JAKMIP3: variants seen among roughly 807,000 people sequenced by gnomAD.
JAKMIP3 encodes janus kinase and microtubule-interacting protein 3.
In JAKMIP3, 58 loss-of-function variants were observed where a neutral mutation model predicts 118.5. That is an observed-to-expected ratio of 0.49 (90% CI 0.40 to 0.61). The LOEUF (loss-of-function observed/expected upper bound fraction) is 0.61, where lower values mean the gene tolerates loss of function less well. Among genes scored for constraint, JAKMIP3 ranks in the 20% least tolerant of loss-of-function variants. The pLI, the probability that JAKMIP3 is intolerant of heterozygous loss-of-function variation, is 0.00. For missense variants in JAKMIP3, 950 were observed against 1,109.0 expected, an observed-to-expected ratio of 0.86 and a Z score of 2.04; for synonymous variants, 486 against 451.2, an observed-to-expected ratio of 1.08 and a Z score of -0.98.
intron 1 of JAKMIP3, among the ~76,000 whole-genome samples, chr10:132,095,040 T>G (rs2043662147): frequency 6.6e-6 from 1 of 152,108 alleles, no homozygotes; most frequent in African/African-American, 2.4e-5. Context: ...CTCACCCAGC[T>G]CCCACACAAA....
intron 1 of JAKMIP3, among the ~76,000 whole-genome samples, chr10:132,072,312 C>T (rs777083303): frequency 7.9e-5 from 12 of 151,936 alleles, no homozygotes; most frequent in South Asian, 6.2e-4. Flanking sequence ...TGGGAGGCTG[C>T]GGTGGGAGGA....
chr10:132,076,176 C>T (rs558256925), intron 1 of JAKMIP3, among the ~76,000 whole-genome samples: 1 of 152,178 alleles, frequency 6.6e-6, no homozygotes, highest in Admixed American at 6.5e-5. Context: ...CTCCCTGCCC[C>T]CAGTCCCTGA....
chr10:132,137,576 G>T (rs1166709240), intron 8 of JAKMIP3, among the ~76,000 whole-genome samples: 1 of 152,202 alleles, frequency 6.6e-6, no homozygotes, highest in African/African-American at 2.4e-5. Context: ...TCAGACGGCT[G>T]CCCTTCTCCG....
At chr10:132,042,860 T>G (rs1166617526) in intron 1 of JAKMIP3, among the ~76,000 whole-genome samples, 1 of 151,086 alleles carries the variant, frequency 6.6e-6, no homozygotes, top group African/African-American at 2.4e-5. Flanking sequence ...GAGCCCAGGG[T>G]GGGTGGATTG....
At chr10:132,129,639 C>T (rs759797759) in intron 3 of JAKMIP3, among the ~76,000 whole-genome samples, 36 of 152,104 alleles carry the variant, frequency 2.4e-4, no homozygotes, top group Admixed American at 1.6e-3. Context: ...GGCGGGGCCC[C>T]GTGATGAGAG....
intron 1 of JAKMIP3, among the ~76,000 whole-genome samples, chr10:132,056,440 A>C (rs2038237414): frequency 6.6e-6 from 1 of 152,160 alleles, no homozygotes; most frequent in Non-Finnish European, 1.5e-5. Context: ...TCAGGGTCCC[A>C]TCTTTTCCTA....
intron 1 of JAKMIP3, among the ~76,000 whole-genome samples, chr10:132,089,300 G>C (rs977801137): frequency 1.3e-5 from 2 of 152,180 alleles, no homozygotes; most frequent in South Asian, 4.1e-4. Context: ...ACCTTGGGCA[G>C]TATGGCCATT....
intron 1 of JAKMIP3, among the ~76,000 whole-genome samples, chr10:132,050,123 T>C (rs1389419265): frequency 6.6e-6 from 1 of 152,220 alleles, no homozygotes; most frequent in African/African-American, 2.4e-5. Flanking sequence ...CCTTCTTTTC[T>C]CCCCGGAAGT....
At chr10:132,078,619 CGG>C (rs10568086) in intron 1 of JAKMIP3, among the ~76,000 whole-genome samples, 58,657 of 134,072 alleles carry the variant, frequency 0.44, 12,605 homozygotes, top group East Asian at 0.7. Context: ...TCTCTGGGGG[CGG>C]GGGGGGGGGG....
intron 1 of JAKMIP3, among the ~76,000 whole-genome samples, chr10:132,100,821 G>C (rs2044761358): frequency 1.6e-5 from 2 of 126,418 alleles, no homozygotes; most frequent in Non-Finnish European, 3.5e-5. Flanking sequence ...CATTCTCTCT[G>C]CATGAGGAAC....
chr10:132,181,754 G>A (rs2061506568), intron 23 of JAKMIP3, among the ~76,000 whole-genome samples: 1 of 152,068 alleles, frequency 6.6e-6, no homozygotes, highest in Non-Finnish European at 1.5e-5. Flanking sequence ...ACCTCTCCTA[G>A]ATTAGAAAAC....
intron 1 of JAKMIP3, among the ~76,000 whole-genome samples, chr10:132,042,226 C>CTTCCTTCCTTCCTTCCT (rs1564848173): frequency 2.7e-5 from 4 of 146,800 alleles, no homozygotes; most frequent in Admixed American, 6.8e-5. Flanking sequence ...TTCTTTCCTC[C>CTTCCTTCCTTCCTTCCT]TCCTCCTTTC....
intron 3 of JAKMIP3, among the ~76,000 whole-genome samples, chr10:132,125,776 ATTAT>A (rs2049432733): frequency 6.6e-6 from 1 of 152,164 alleles, no homozygotes. Context: ...TTACTTTCCA[ATTAT>A]TTTTCGCTGC....
At chr10:132,128,600 T>C (rs2050039238) in intron 3 of JAKMIP3, among the ~76,000 whole-genome samples, 2 of 152,196 alleles carry the variant, frequency 1.3e-5, no homozygotes, top group African/African-American at 4.8e-5. Flanking sequence ...TTTTCTATTT[T>C]TTCCTTTTGT....
rs999561403 is a variant in JAKMIP3 at position 132,181,524 on chromosome 10, G to A, written c.*1104-833G>A. The A allele has an allele frequency of 6.6e-5, 10 of 152,308 alleles. No individual in the cohort carries two copies. The East Asian group carries it at 1.7e-3, about 26-fold the overall frequency. 9.4% of individuals were successfully genotyped at this position (152,308 alleles called of 1,614,324 possible). A position where few individuals can be genotyped will look rare whatever the true frequency, so the allele number is the denominator to read the frequency against. On this transcript the variant is annotated intron_variant, in intron 23 of 23. Coordinates refer to ENST00000684848, the MANE Select transcript of JAKMIP3 (RefSeq NM_001323087.2). ...TCCCCTTCCTCCTGTACCTTCTAGA[G>A]ATCGATGGTTCCGGGACAACCTATT...
chr10:132,149,566 C>CCCCCTCCCTGCCCCCGCCCCA, intron 15 of JAKMIP3, 56 bp downstream of exon 15: 1 of 696,484 alleles, frequency 1.4e-6, no homozygotes, highest in Non-Finnish European at 2.1e-6. Context: ...CCCCGCCCCA[C>CCCCCTCCCTGCCCCCGCCCCA]CCCCTCTCCG....
At chr10:132,109,077 C>CACACATAT (rs1382478674) in intron 2 of JAKMIP3, among the ~76,000 whole-genome samples, 1 of 136,420 alleles carries the variant, frequency 7.3e-6, no homozygotes, top group Non-Finnish European at 1.5e-5. Context: ...CACACATACA[C>CACACATAT]ATATATATAC....
chr10:132,073,493 CTTT>C (rs59985814), intron 1 of JAKMIP3, among the ~76,000 whole-genome samples: 44 of 134,870 alleles, frequency 3.3e-4, no homozygotes, highest in African/African-American at 6.1e-4. Context: ...CCTATCTTTA[CTTT>C]TTTTTTTTTT....
chr10:132,156,479 G>A (rs1323452191), intron 19 of JAKMIP3, among the ~76,000 whole-genome samples: 11 of 152,182 alleles, frequency 7.2e-5, no homozygotes, highest in African/African-American at 2.4e-4. Flanking sequence ...ACAGCAGGCC[G>A]GGAGACAGAG....
Sources: gnomAD v4.1 joint callset for allele counts (sites outside exome capture counted in the v4.1 genomes callset) on GRCh38, gnomAD v4.1.1 for gene constraint, MANE v1.5 for transcripts, NCBI Gene and HGNC (gene_info 2026-07-23, HGNC 2026-07-21) for gene names.